The following CDH13 variants were observed in gnomAD, a reference collection of about 807,000 sequenced individuals.
CDH13 encodes the protein cadherin 13, also known as cadherin-13.
Under a neutral mutation model 63.8 loss-of-function variants are expected in CDH13, and 24 were observed. That is an observed-to-expected ratio of 0.38 (90% confidence interval 0.27 to 0.53). The LOEUF (loss-of-function observed/expected upper bound fraction) is 0.53. Among genes scored for constraint, CDH13 ranks in the 20% least tolerant of loss-of-function variants. The pLI is 0.85. For missense variants in CDH13, 1,049 were observed against 903.1 expected (o/e 1.16, Z -2.07); for synonymous variants, 503 against 355.3 (o/e 1.42, Z -4.67).
At chr16:83,793,516 T>C (rs1916408741) in intron 13 of CDH13, among the ~76,000 whole-genome samples, 1 of 152,190 alleles carries the variant, frequency 6.6e-6, no homozygotes, top group African/African-American at 2.4e-5. Context: ...ATGAGTGACG[T>C]TCTCAAAGTC....
At chr16:82,983,844 G>A (rs2151389844) in intron 2 of CDH13, among the ~76,000 whole-genome samples, 1 of 152,308 alleles carries the variant, frequency 6.6e-6, no homozygotes, top group African/African-American at 2.4e-5. Flanking sequence ...AGGGGGAAAT[G>A]GATTTGCTCA....
intron 1 of CDH13, among the ~76,000 whole-genome samples, chr16:82,857,719 A>G (rs2039760451): frequency 6.6e-6 from 1 of 152,248 alleles, no homozygotes; most frequent in Non-Finnish European, 1.5e-5. Context: ...ATTTAATTTC[A>G]TATGTAAAAT....
chr16:83,379,770 TG>T (rs1345952212), intron 6 of CDH13, among the ~76,000 whole-genome samples: 1 of 152,012 alleles, frequency 6.6e-6, no homozygotes, highest in East Asian at 1.9e-4. Context: ...TGTGTATCAA[TG>T]GGTGAATGGC....
chr16:83,064,164 C>T (rs947722125), intron 3 of CDH13, among the ~76,000 whole-genome samples: 1 of 152,068 alleles, frequency 6.6e-6, no homozygotes, highest in African/African-American at 2.4e-5. Context: ...AGGTCAGGAG[C>T]TCAAGAACAG....
intron 8 of CDH13, among the ~76,000 whole-genome samples, chr16:83,612,673 A>G (rs1216333407): frequency 3.3e-5 from 5 of 151,944 alleles, no homozygotes; most frequent in South Asian, 2.1e-4. Flanking sequence ...TATTAGTTAT[A>G]CTTCATTTTC....
At chr16:83,448,568 A>G (rs1337494244) in intron 6 of CDH13, among the ~76,000 whole-genome samples, 2 of 152,210 alleles carry the variant, frequency 1.3e-5, no homozygotes, top group African/African-American at 4.8e-5. Context: ...TCTTTGGTTT[A>G]ACATGAGAAG....
chr16:82,864,957 T>A (rs952671309), intron 2 of CDH13, among the ~76,000 whole-genome samples: 20 of 151,902 alleles, frequency 1.3e-4, no homozygotes, highest in African/African-American at 4.8e-4. Flanking sequence ...ATGGGAAAAA[T>A]TGGCCAAAAC....
At chr16:83,296,179 A>G (rs1170422343) in intron 5 of CDH13, among the ~76,000 whole-genome samples, 3 of 152,172 alleles carry the variant, frequency 2.0e-5, no homozygotes, top group Non-Finnish European at 1.5e-5. Context: ...CATAATTTTC[A>G]GATACACTTT....
intron 4 of CDH13, among the ~76,000 whole-genome samples, chr16:83,150,546 T>A (rs11862016): frequency 0.015 from 2,283 of 152,338 alleles, 67 homozygotes; most frequent in African/African-American, 0.052. Context: ...GATTCTCACC[T>A]GCCTGTGTCT....
chr16:82,741,341 G>C (rs368733410), intron 1 of CDH13, among the ~76,000 whole-genome samples: 3 of 152,190 alleles, frequency 2.0e-5, no homozygotes, highest in Non-Finnish European at 2.9e-5. Flanking sequence ...CCTGCCTGGT[G>C]AATTGATGTT....
At chr16:83,584,843 C>G (rs375498402) in intron 7 of CDH13, among the ~76,000 whole-genome samples, 1 of 152,184 alleles carries the variant, frequency 6.6e-6, no homozygotes, top group African/African-American at 2.4e-5. Context: ...AGAAAGCTTA[C>G]AATCACGGCA....
At chr16:83,291,505 A>C (rs2089465645) in intron 5 of CDH13, among the ~76,000 whole-genome samples, 1 of 152,184 alleles carries the variant, frequency 6.6e-6, no homozygotes. Context: ...AGTTAGTAGC[A>C]AGATATTAGA....
At chr16:82,666,876 C>G (rs921353287) in intron 1 of CDH13, among the ~76,000 whole-genome samples, 8 of 152,172 alleles carry the variant, frequency 5.3e-5, no homozygotes, top group Non-Finnish European at 1.0e-4. Flanking sequence ...CTTGAAGAAT[C>G]AGAACCACCT....
chr16:82,936,741 G>A (rs1198975838), intron 2 of CDH13, among the ~76,000 whole-genome samples: 1 of 152,164 alleles, frequency 6.6e-6, no homozygotes, highest in East Asian at 1.9e-4. Context: ...GACGAGCACT[G>A]TGAGAATAGG....
At chr16:83,619,439 A>G (rs1008195553) in intron 8 of CDH13, among the ~76,000 whole-genome samples, 26 of 152,246 alleles carry the variant, frequency 1.7e-4, no homozygotes, top group African/African-American at 6.3e-4. Flanking sequence ...ATAACAAGGT[A>G]TTACCAGCCA....
intron 4 of CDH13, among the ~76,000 whole-genome samples, chr16:83,210,817 T>G (rs1435722742): frequency 6.7e-6 from 1 of 148,658 alleles, no homozygotes; most frequent in Non-Finnish European, 1.5e-5. Context: ...CACATGGCAG[T>G]GGGGGATCCT....
At chr16:82,689,830 C>A (rs1915456207) in intron 1 of CDH13, among the ~76,000 whole-genome samples, 5 of 151,352 alleles carry the variant, frequency 3.3e-5, no homozygotes, top group Admixed American at 3.3e-4. Context: ...CATTTCTGTC[C>A]CAGTAAGTTG....
intron 8 of CDH13, among the ~76,000 whole-genome samples, chr16:83,609,927 G>A (rs1908703414): frequency 1.3e-5 from 2 of 152,124 alleles, no homozygotes; most frequent in African/African-American, 4.8e-5. Context: ...CAGCCTCTAT[G>A]GATTAGTTTA....
chr16:82,991,370 C>A (rs1041449774), intron 2 of CDH13, among the ~76,000 whole-genome samples: 11 of 152,152 alleles, frequency 7.2e-5, no homozygotes, highest in African/African-American at 2.7e-4. Context: ...TCTTAACATT[C>A]ATCTAGTAAG....
Sources: gnomAD v4.1 joint callset for allele counts (sites outside exome capture counted in the v4.1 genomes callset) on GRCh38, gnomAD v4.1.1 for gene constraint, MANE v1.5 for transcripts, NCBI Gene and HGNC (gene_info 2026-07-23, HGNC 2026-07-21) for gene names.